CAMK2D: variants seen among roughly 807,000 people sequenced by gnomAD.
CAMK2D encodes the protein calcium/calmodulin-dependent protein kinase type II subunit delta.
A neutral mutation model predicts 84.0 loss-of-function variants in CAMK2D; 37 were observed. That is an observed-to-expected ratio of 0.44 (90% CI 0.34 to 0.58). CAMK2D has a LOEUF of 0.58. Ranked by LOEUF, CAMK2D falls within the 20% of genes least tolerant of loss-of-function variation. CAMK2D has a pLI of 0.02. For missense variants in CAMK2D, 448 were observed against 652.5 expected (o/e 0.69, Z 3.41); for synonymous variants, 202 against 212.5 (o/e 0.95, Z 0.43).
At chr4:113,476,620 T>C (rs376208145) in intron 16 of CAMK2D, among the ~76,000 whole-genome samples, 29 of 152,188 alleles carry the variant, frequency 1.9e-4, no homozygotes, top group African/African-American at 6.5e-4. Flanking sequence ...GTTAGAATTA[T>C]GGTAGAGTCT....
intron 2 of CAMK2D, among the ~76,000 whole-genome samples, chr4:113,694,469 T>C (rs578117861): frequency 1.3e-5 from 2 of 152,254 alleles, no homozygotes; most frequent in South Asian, 4.1e-4. Context: ...TCTCTATGAA[T>C]GAAAAAGCCA....
chr4:113,574,637 C>T (rs527982614), intron 4 of CAMK2D, among the ~76,000 whole-genome samples: 2 of 152,260 alleles, frequency 1.3e-5, no homozygotes, highest in East Asian at 3.9e-4. Context: ...TCTTTTCAAC[C>T]ATATGTCTAC....
chr4:113,455,037 C>A (rs2097288834), intron 20 of CAMK2D, among the ~76,000 whole-genome samples: 1 of 152,138 alleles, frequency 6.6e-6, no homozygotes, highest in African/African-American at 2.4e-5. Context: ...CAGCTGGGAG[C>A]ACTATTTGTT....
chr4:113,732,031 A>T (rs1261754415), intron 2 of CAMK2D, among the ~76,000 whole-genome samples: 2 of 151,948 alleles, frequency 1.3e-5, no homozygotes, highest in Non-Finnish European at 2.9e-5. Context: ...GAGGTGGGTC[A>T]TTTCACTCCT....
At chr4:113,738,183 G>C (rs1346672158) in intron 2 of CAMK2D, among the ~76,000 whole-genome samples, 1 of 147,432 alleles carries the variant, frequency 6.8e-6, no homozygotes, top group East Asian at 2.1e-4. Flanking sequence ...ATAAGAATGA[G>C]TGAAGAATCT....
At chr4:113,628,643 C>T (rs72893913) in intron 3 of CAMK2D, among the ~76,000 whole-genome samples, 1,655 of 152,084 alleles carry the variant, frequency 0.011, 46 homozygotes, top group African/African-American at 0.038. Flanking sequence ...AAACAGCTCT[C>T]TGAAGATGAT....
intron 7 of CAMK2D, among the ~76,000 whole-genome samples, chr4:113,532,562 CA>C (rs1445111791): frequency 2.0e-5 from 3 of 152,130 alleles, no homozygotes; most frequent in East Asian, 1.9e-4. Flanking sequence ...GAGATGGACA[CA>C]ATTGTTTTAA....
chr4:113,566,665 A>G (rs967754524), intron 4 of CAMK2D, among the ~76,000 whole-genome samples: 1 of 152,102 alleles, frequency 6.6e-6, no homozygotes, highest in African/African-American at 2.4e-5. Context: ...TTCATGCCAC[A>G]CTGGCCTTTG....
intron 4 of CAMK2D, 29 bp from the exon 5 acceptor site, chr4:113,552,125 TA>T (rs1456812913): frequency 1.5e-5 from 20 of 1,310,690 alleles, no homozygotes; most frequent in Non-Finnish European, 2.1e-5. Flanking sequence ...TAATCACTTT[TA>T]AAAAGAAGCA....
chr4:113,713,189 C>G (rs2099499610), intron 2 of CAMK2D, among the ~76,000 whole-genome samples: 1 of 151,820 alleles, frequency 6.6e-6, no homozygotes, highest in African/African-American at 2.4e-5. Flanking sequence ...CCTGAATGAC[C>G]AACTCTGTAC....
At chr4:113,536,785 A>T (rs1256288669) in intron 7 of CAMK2D, among the ~76,000 whole-genome samples, 1 of 152,254 alleles carries the variant, frequency 6.6e-6, no homozygotes, top group African/African-American at 2.4e-5. Flanking sequence ...AAATTTCATC[A>T]TATAAAAATT....
At chr4:113,542,404 T>C (rs2098535980) in intron 6 of CAMK2D, among the ~76,000 whole-genome samples, 1 of 152,108 alleles carries the variant, frequency 6.6e-6, no homozygotes, top group Admixed American at 6.5e-5. Flanking sequence ...GGTTGATATA[T>C]CTACTACCCA....
At chr4:113,660,834 G>A (rs1389350637) in intron 3 of CAMK2D, among the ~76,000 whole-genome samples, 1 of 131,418 alleles carries the variant, frequency 7.6e-6, no homozygotes, top group Non-Finnish European at 1.5e-5. Flanking sequence ...TCGCTCTCTC[G>A]TCCCAGGCTG....
At position 113,596,439 on chromosome 4, in the gene CAMK2D, T is replaced by G. The variant is rs940914578; in HGVS notation, c.275+12713A>C. Among the ~76,000 whole-genome samples the G allele has an allele frequency of 7.2e-5, 11 of 152,212 alleles. No individual in the cohort carries two copies. In the South Asian group the frequency reaches 1.7e-3, roughly 23 times the overall value. ...AAATCCTTTCCAGAAGGCTGTCAATTTACTTTGCTCAGATCAATCAGAGGA... is the reference window on the plus strand; with the variant it reads ...AAATCCTTTCCAGAAGGCTGTCAATGTACTTTGCTCAGATCAATCAGAGGA... On this transcript the variant is annotated intron_variant, in intron 4 of 20. Transcript: ENST00000511664.
intron 4 of CAMK2D, among the ~76,000 whole-genome samples, chr4:113,608,336 A>C (rs57852312): frequency 0.28 from 42,073 of 152,118 alleles, 6,396 homozygotes; most frequent in East Asian, 0.51. Context: ...TGTGGCATCA[A>C]ATTAAAATGC....
chr4:113,582,481 T>G (rs11933245), intron 4 of CAMK2D, among the ~76,000 whole-genome samples: 106,488 of 151,786 alleles, frequency 0.7, 37,542 homozygotes, highest in Middle Eastern at 0.74. Flanking sequence ...CAAGTCAAAG[T>G]ATGTTTCTAT....
chr4:113,696,008 A>G (rs1177472045), intron 2 of CAMK2D, among the ~76,000 whole-genome samples: 1 of 152,054 alleles, frequency 6.6e-6, no homozygotes, highest in African/African-American at 2.4e-5. Context: ...TACGTATGCT[A>G]CTAACTCAGG....
chr4:113,746,687 T>G (rs1358933050), intron 2 of CAMK2D, among the ~76,000 whole-genome samples: 1 of 152,100 alleles, frequency 6.6e-6, no homozygotes, highest in African/African-American at 2.4e-5. Context: ...TACAGAAAAG[T>G]AGGTCTCAAT....
intron 3 of CAMK2D, among the ~76,000 whole-genome samples, chr4:113,633,842 T>C (rs1044266876): frequency 4.6e-5 from 7 of 152,166 alleles, no homozygotes; most frequent in Non-Finnish European, 8.8e-5. Context: ...AGACAATCCA[T>C]CAGAGGGTTG....
Sources: gnomAD v4.1 joint callset for allele counts (sites outside exome capture counted in the v4.1 genomes callset) on GRCh38, gnomAD v4.1.1 for gene constraint, MANE v1.5 for transcripts, NCBI Gene and HGNC (gene_info 2026-07-23, HGNC 2026-07-21) for gene names.